Variants in FTO observed in about 807,000 individuals in gnomAD.
FTO encodes the protein FTO alpha-ketoglutarate dependent dioxygenase, also known as alpha-ketoglutarate-dependent dioxygenase FTO.
In FTO, 47 loss-of-function variants were observed where a neutral mutation model predicts 63.9. The observed-to-expected ratio is 0.74, with a 90% CI of 0.58 to 0.94. FTO has a LOEUF of 0.94. Ranked by LOEUF, FTO falls within the 40% of genes least tolerant of loss-of-function variation. The pLI is 0.00. For synonymous variants in FTO, 207 were observed against 224.4 expected (o/e 0.92, Z 0.69); for missense variants, 562 against 618.1 (o/e 0.91, Z 0.96).
intron 7 of FTO, among the ~76,000 whole-genome samples, chr16:53,912,963 G>A (rs1287344876): frequency 1.3e-5 from 2 of 152,200 alleles, no homozygotes; most frequent in African/African-American, 2.4e-5. Flanking sequence ...GCCTCAAGTG[G>A]CCTTTGTAAA....
At chr16:53,978,055 G>A (rs1200065332) in intron 8 of FTO, among the ~76,000 whole-genome samples, 1 of 151,904 alleles carries the variant, frequency 6.6e-6, no homozygotes, top group African/African-American at 2.4e-5. Flanking sequence ...TAGAGATAGG[G>A]GTCTCACTGT....
In FTO at chr16:53,789,767, T is replaced by TACAC. The variant is rs1555634083; in HGVS notation, c.46-20361_46-20358dup. ...TCTGGAACATACATATATATATATA[T>TACAC]ACACACACACACACATATATGTATG... On this transcript the variant is annotated intron_variant, in intron 1 of 8. Coordinates refer to ENST00000471389, the MANE Select transcript of FTO (RefSeq NM_001080432.3). Among the ~76,000 whole-genome samples the TACAC allele has an allele frequency of 2.2e-3, 330 of 147,776 alleles. 1 individual carries two copies. The highest frequency in any genetic ancestry group is 7.7e-3 in the African/African-American group (312 of 40,394).
intron 8 of FTO, among the ~76,000 whole-genome samples, chr16:54,029,465 A>G (rs1200396790): frequency 2.6e-5 from 4 of 152,150 alleles, no homozygotes. Context: ...TTATTCTCCT[A>G]CTAAAGTTAA....
At chr16:54,086,212 TG>T (rs1424200136) in intron 8 of FTO, among the ~76,000 whole-genome samples, 1 of 152,202 alleles carries the variant, frequency 6.6e-6, no homozygotes, top group Admixed American at 6.5e-5. Flanking sequence ...TGACTGAAGC[TG>T]TTATTGGAAC....
chr16:53,814,607 A>G (rs1255230118), intron 2 of FTO: 1 of 152,270 alleles, frequency 6.6e-6, no homozygotes, highest in Admixed American at 6.5e-5. Flanking sequence ...TAAGTCCTAT[A>G]CTGCTTCTCT....
At chr16:54,068,568 G>A (rs766841521) in intron 8 of FTO, among the ~76,000 whole-genome samples, 1 of 152,096 alleles carries the variant, frequency 6.6e-6, no homozygotes, top group Non-Finnish European at 1.5e-5. Context: ...ATTTTGCAAA[G>A]GTTTACGATC....
At chr16:53,838,950 A>C (rs1258102878) in intron 3 of FTO, among the ~76,000 whole-genome samples, 1 of 152,202 alleles carries the variant, frequency 6.6e-6, no homozygotes. Flanking sequence ...ATATGGTACA[A>C]AATTTTTTGT....
At chr16:53,704,015 G>T, upstream of FTO, 1 of 730,028 alleles carries the variant, frequency 1.4e-6, no homozygotes, top group South Asian at 1.5e-5. Flanking sequence ...TAAATCCCGT[G>T]GCGCTCGCGG....
At chr16:53,817,709 T>C (rs1168019640) in intron 2 of FTO, among the ~76,000 whole-genome samples, 1 of 152,206 alleles carries the variant, frequency 6.6e-6, no homozygotes, top group Non-Finnish European at 1.5e-5. Context: ...GAAGCATCTC[T>C]TGATATGGGA....
intron 1 of FTO, among the ~76,000 whole-genome samples, chr16:53,791,857 A>C (rs1004582134): frequency 1.3e-5 from 2 of 152,102 alleles, no homozygotes; most frequent in African/African-American, 4.8e-5. Context: ...GCGGATCACG[A>C]GGTCAGGAGA....
chr16:53,941,101 C>T (rs78496669), intron 8 of FTO, among the ~76,000 whole-genome samples: 2,550 of 152,318 alleles, frequency 0.017, 32 homozygotes, highest in Middle Eastern at 0.075. Flanking sequence ...TGTTCTCCAC[C>T]GGTATCTGTC....
At chr16:53,878,544 A>C (rs1000253893) in intron 5 of FTO, among the ~76,000 whole-genome samples, 2 of 152,194 alleles carry the variant, frequency 1.3e-5, no homozygotes, top group Non-Finnish European at 2.9e-5. Flanking sequence ...ATGTGCAAGG[A>C]AATTTTATAT....
At chr16:53,800,794 T>C (rs78493455) in intron 1 of FTO, among the ~76,000 whole-genome samples, 2,874 of 152,238 alleles carry the variant, frequency 0.019, 44 homozygotes, top group Middle Eastern at 0.037. Context: ...ACTTCAACTT[T>C]CTTTTAATTA....
At chr16:53,794,385 C>T (rs1308032222) in intron 1 of FTO, among the ~76,000 whole-genome samples, 1 of 152,162 alleles carries the variant, frequency 6.6e-6, no homozygotes, top group South Asian at 2.1e-4. Context: ...GTTGTAGACC[C>T]GAAAGCTAAC....
At position 53,907,039 on chromosome 16, in the gene FTO, G is replaced by A. The variant is rs569267182; in HGVS notation, c.1239+18088G>A. On this transcript the variant is annotated intron_variant, in intron 7 of 8. Transcript: ENST00000471389. ...TCCTATACTCTTCACACAGCAGCCA[G>A]GGTAATATTATCATATGCAAATCTA... Among the ~76,000 whole-genome samples the A allele has an allele frequency of 1.8e-4, 27 of 152,278 alleles. No individual in the cohort carries two copies. The South Asian group carries it at 4.6e-3, about 26-fold the overall frequency.
intron 2 of FTO, among the ~76,000 whole-genome samples, chr16:53,823,980 T>C (rs767336015): frequency 6.6e-6 from 1 of 152,234 alleles, no homozygotes; most frequent in Non-Finnish European, 1.5e-5. Flanking sequence ...ACAACGTATG[T>C]ATTTCATCTG....
intron 8 of FTO, among the ~76,000 whole-genome samples, chr16:53,978,815 G>A (rs2083480533): frequency 6.6e-6 from 1 of 152,090 alleles, no homozygotes. Context: ...TGGCCAACAT[G>A]GTGAAACCCC....
intron 2 of FTO, among the ~76,000 whole-genome samples, chr16:53,814,257 C>T (rs1052678993): frequency 1.2e-4 from 18 of 152,246 alleles, no homozygotes; most frequent in South Asian, 4.2e-4. Flanking sequence ...CACAAGGAAA[C>T]GAGGAATTAC....
intron 3 of FTO, among the ~76,000 whole-genome samples, chr16:53,828,239 A>T (rs2079059524): frequency 1.3e-5 from 2 of 152,002 alleles, no homozygotes; most frequent in Non-Finnish European, 2.9e-5. Flanking sequence ...TTTTCTTTTG[A>T]GACGGGGTCT....
Sources: allele counts gnomAD v4.1 joint callset (sites outside exome capture counted in the v4.1 genomes callset), GRCh38; gene constraint gnomAD v4.1.1; transcripts MANE v1.5; gene names NCBI Gene and HGNC (gene_info 2026-07-23, HGNC 2026-07-21).